The following PHKA2 variants were observed in gnomAD, a reference collection of about 807,000 sequenced individuals.
PHKA2 encodes phosphorylase b kinase regulatory subunit alpha, liver isoform.
Under a neutral mutation model 102.0 loss-of-function variants are expected in PHKA2, and 31 were observed. That is an observed-to-expected ratio of 0.30 (90% CI 0.23 to 0.41). PHKA2 has a LOEUF of 0.41. PHKA2 is among the 10% of genes least tolerant of loss of function. PHKA2 has a pLI of 1.00. For synonymous variants in PHKA2, 455 were observed against 416.2 expected (o/e 1.09, Z -1.13); for missense variants, 858 against 1,023.1 (o/e 0.84, Z 2.20).
rs751080391 is a variant in PHKA2 at position 18,939,974 on chromosome X, G to C, written c.918+21C>G. On this transcript the variant is annotated intron_variant, in intron 9 of 32. Coordinates refer to ENST00000379942, the MANE Select transcript of PHKA2 (RefSeq NM_000292.3). ...AGATGAAACAGTTGAGGAAAGATAA[G>C]AAACAATATTTAAATACAACCTCTC... The C allele has an allele frequency of 1.5e-5, 16 of 1,086,775 alleles. No homozygotes were observed. The East Asian group carries it at 4.8e-4, about 33-fold the overall frequency. The allele number at this position is 1,086,775 out of a possible 1,213,427, so 89.6% of individuals were successfully genotyped here. A position where few individuals can be genotyped will look rare whatever the true frequency, so the allele number is the denominator to read the frequency against.
chrX:18,951,924 A>C (rs1004876291), intron 3 of PHKA2, among the ~76,000 whole-genome samples: 4 of 110,701 alleles, frequency 3.6e-5, no homozygotes, highest in Admixed American at 1.9e-4. Context: ...TTTTAAAAAA[A>C]AATGTTTTCT....
chrX:18,958,051 G>A (rs1391971878), intron 1 of PHKA2, among the ~76,000 whole-genome samples: 1 of 110,441 alleles, frequency 9.1e-6, no homozygotes, highest in Non-Finnish European at 1.9e-5. Flanking sequence ...GTAGAGACAG[G>A]GTTTCATCAT....
intron 3 of PHKA2, 142 bp downstream of exon 3, chrX:18,952,348 AAAAG>A (rs1358811092): frequency 1.0e-5 from 5 of 502,263 alleles, no homozygotes; most frequent in African/African-American, 2.4e-5. Flanking sequence ...AAAAAAAAAA[AAAAG>A]AGAGAGAGAA....
Position 18,910,810 on chromosome X carries a change from G to C in PHKA2, c.2226+62C>G, listed in dbSNP as rs987433401. On this transcript the variant is annotated intron_variant, in intron 20 of 32. Transcript: ENST00000379942. Reference sequence around the variant, plus strand: ...TGAGTTTAGCCATTTGGAAGAGTTTGGGGACTCATCCTGCATTGTAGAACA... The same window carrying C: ...TGAGTTTAGCCATTTGGAAGAGTTTCGGGACTCATCCTGCATTGTAGAACA... 3 of 644,917 alleles carry C rather than the reference G, an allele frequency of 4.7e-6. No individual in the cohort carries two copies. In the African/African-American group the frequency reaches 6.6e-5, roughly 14 times the overall value. 53.1% of individuals were successfully genotyped at this position (644,917 alleles called of 1,213,427 possible).
chrX:18,938,883 A>T, intron 9 of PHKA2, 134 bp from the exon 10 acceptor site: 2 of 559,425 alleles, frequency 3.6e-6, no homozygotes, highest in Non-Finnish European at 6.1e-6. Flanking sequence ...TTTTACTATA[A>T]TGAGATGCTG....
chrX:18,951,010 C>T, intron 4 of PHKA2, 94 bp downstream of exon 4: 1 of 860,567 alleles, frequency 1.2e-6, no homozygotes, highest in Non-Finnish European at 1.7e-6. Flanking sequence ...TGAAGCAGCA[C>T]ATGGCCTGAC....
chrX:18,941,177 T>C (rs1379835572), intron 8 of PHKA2, among the ~76,000 whole-genome samples: 1 of 112,046 alleles, frequency 8.9e-6, no homozygotes, highest in Non-Finnish European at 1.9e-5. Context: ...CCATTGAAAT[T>C]GTGTGTAAAG....
intron 26 of PHKA2, among the ~76,000 whole-genome samples, chrX:18,902,622 G>A (rs1467641359): frequency 9.1e-6 from 1 of 109,951 alleles, no homozygotes; most frequent in East Asian, 3.0e-4. Flanking sequence ...TTAGCTGGGC[G>A]TGGTGGCACA....
chrX:18,897,064 C>T (rs1730910229), intron 30 of PHKA2, 99 bp downstream of exon 30: 2 of 987,888 alleles, frequency 2.0e-6, no homozygotes, highest in East Asian at 3.0e-5. Flanking sequence ...GAGAAGCCAT[C>T]CTCAGGGCTG....
rs774202927 is a variant in PHKA2 at position 18,945,505 on chromosome X, C to T, written c.538-347G>A. Among the ~76,000 whole-genome samples the T allele has an allele frequency of 3.6e-5, 4 of 112,387 alleles. No individual in the cohort carries two copies. In the East Asian group the frequency reaches 1.1e-3, roughly 31 times the overall value. On this transcript the variant is annotated intron_variant, in intron 5 of 32. Transcript: ENST00000379942. ...TAAAATGCTGCCTCTCTAGTCAATGCCTTTGAACTTATATTATGTTGTAAA... is the reference window on the plus strand; with the variant it reads ...TAAAATGCTGCCTCTCTAGTCAATGTCTTTGAACTTATATTATGTTGTAAA...
Position 18,893,391 on chromosome X carries a change from G to T in PHKA2, c.*94C>A. 1 of 899,365 alleles carries T rather than the reference G, an allele frequency of 1.1e-6. No individual in the cohort carries two copies. Among genetic ancestry groups the T allele is most frequent in the Non-Finnish European group, 1.6e-6 (1 of 613,386 alleles). The allele number at this position is 899,365 out of a possible 1,213,427, so 74.1% of individuals were successfully genotyped here. A position where few individuals can be genotyped will look rare whatever the true frequency, so the allele number is the denominator to read the frequency against. On this transcript the variant is annotated 3_prime_UTR_variant, in exon 33 of 33. Transcript: ENST00000379942. ...TGTTTCTGATGGGACATGCTTTCCTGATAGCACAGGGGATCTTGGGGGACA... is the reference window on the plus strand; with the variant it reads ...TGTTTCTGATGGGACATGCTTTCCTTATAGCACAGGGGATCTTGGGGGACA...
At chrX:18,958,352 A>AT (rs201581754) in intron 1 of PHKA2, among the ~76,000 whole-genome samples, 2,735 of 110,099 alleles carry the variant, frequency 0.025, 89 homozygotes, top group African/African-American at 0.086. Flanking sequence ...GTTTTCTGGG[A>AT]TTTTTTTTTA....
chrX:18,917,754 G>T (rs1453053809), intron 19 of PHKA2, among the ~76,000 whole-genome samples: 1 of 110,249 alleles, frequency 9.1e-6, no homozygotes, highest in Non-Finnish European at 1.9e-5. Flanking sequence ...CAGAACACAG[G>T]AGAGCCATCC....
chrX:18,964,855 A>G (rs2048917178), intron 1 of PHKA2, among the ~76,000 whole-genome samples: 2 of 112,595 alleles, frequency 1.8e-5, no homozygotes, highest in South Asian at 7.2e-4. Context: ...TTTAAACCAT[A>G]AGCTCTAATA....
At chrX:18,911,676 T>G (rs1229928694) in intron 19 of PHKA2, among the ~76,000 whole-genome samples, 1 of 112,347 alleles carries the variant, frequency 8.9e-6, no homozygotes, top group African/African-American at 3.2e-5. Context: ...GAAAGATCAC[T>G]TATTTAGTTT....
intron 26 of PHKA2, among the ~76,000 whole-genome samples, chrX:18,904,592 T>C (rs1156414429): frequency 2.7e-5 from 3 of 112,271 alleles, no homozygotes; most frequent in Admixed American, 9.5e-5. Context: ...TACATTACCA[T>C]TTCAAGGACT....
intron 11 of PHKA2, among the ~76,000 whole-genome samples, chrX:18,934,146 T>C (rs769673610): frequency 1.8e-5 from 2 of 112,050 alleles, no homozygotes; most frequent in Non-Finnish European, 3.8e-5. Flanking sequence ...GATATGAACA[T>C]GTAGCTGCTG....
intron 1 of PHKA2, among the ~76,000 whole-genome samples, chrX:18,973,296 C>T (rs374128919): frequency 5.4e-5 from 6 of 112,056 alleles, no homozygotes; most frequent in South Asian, 3.7e-4. Flanking sequence ...TGAGCCACCG[C>T]GCCTGGCCTT....
chrX:18,929,148 TAAG>T (rs2048268788), intron 13 of PHKA2, 77 bp downstream of exon 13: 1 of 722,019 alleles, frequency 1.4e-6, no homozygotes, highest in Non-Finnish European at 2.1e-6. Context: ...AAAAATTAAA[TAAG>T]AAACTAGGCA....
Sources: allele counts gnomAD v4.1 joint callset (sites outside exome capture counted in the v4.1 genomes callset), GRCh38; gene constraint gnomAD v4.1.1; transcripts MANE v1.5; gene names NCBI Gene and HGNC (gene_info 2026-07-23, HGNC 2026-07-21).